The following XKR9 variants were observed in gnomAD, a reference collection of about 807,000 sequenced individuals.
The protein encoded by XKR9 is XK-related protein 9.
In XKR9, 32 loss-of-function variants were observed where a neutral mutation model predicts 32.0. That is an observed-to-expected ratio of 1.00 (90% CI 0.76 to 1.34). XKR9 has a LOEUF of 1.34. XKR9 is among the 40% of genes most tolerant of loss of function. The pLI is 0.00. For missense variants in XKR9, 546 were observed against 429.7 expected, an observed-to-expected ratio of 1.27 and a Z score of -2.39; for synonymous variants, 168 against 143.4, an observed-to-expected ratio of 1.17 and a Z score of -1.22.
chr8:70,817,300 T>C, the XKR9 span, among the ~76,000 whole-genome samples: 1 of 152,074 alleles, frequency 6.6e-6, no homozygotes, highest in Admixed American at 6.6e-5. Context: ...AATCAGTGCA[T>C]AAAAATTAGT....
intron 3 of XKR9, among the ~76,000 whole-genome samples, chr8:70,703,142 GT>G (rs1340459004): frequency 6.8e-6 from 1 of 147,070 alleles, no homozygotes; most frequent in South Asian, 2.1e-4. Flanking sequence ...TGTAACAAAT[GT>G]TTTGGGTTAA....
the XKR9 span, among the ~76,000 whole-genome samples, chr8:70,911,296 A>G: frequency 1.3e-5 from 2 of 152,212 alleles, no homozygotes; most frequent in Non-Finnish European, 2.9e-5. Flanking sequence ...CTTTCTTGAT[A>G]TTCAATCATT....
the XKR9 span, among the ~76,000 whole-genome samples, chr8:70,877,040 A>T: frequency 3.9e-5 from 6 of 152,174 alleles, no homozygotes; most frequent in Admixed American, 6.5e-5. Flanking sequence ...TAAAGGAAAG[A>T]GGTTTAATTG....
intron 4 of XKR9, among the ~76,000 whole-genome samples, chr8:70,707,355 A>G (rs1035845193): frequency 2.0e-5 from 3 of 152,030 alleles, no homozygotes; most frequent in African/African-American, 7.2e-5. Flanking sequence ...GAAAACTGCT[A>G]TTGTTAGTTA....
the XKR9 span, among the ~76,000 whole-genome samples, chr8:70,840,352 G>A: frequency 2.0e-5 from 3 of 152,060 alleles, no homozygotes; most frequent in Admixed American, 1.3e-4. Flanking sequence ...TATTCTCTCT[G>A]TAGGACAACT....
At chr8:70,815,778 G>A in the XKR9 span, among the ~76,000 whole-genome samples, 1 of 152,036 alleles carries the variant, frequency 6.6e-6, no homozygotes, top group Non-Finnish European at 1.5e-5. Flanking sequence ...ACCCACCTCA[G>A]CCTCCCACAG....
chr8:70,854,234 T>C, the XKR9 span, among the ~76,000 whole-genome samples: 2 of 152,242 alleles, frequency 1.3e-5, no homozygotes, highest in African/African-American at 2.4e-5. Context: ...TGGTGTGAGA[T>C]GTTATCTCAT....
At chr8:71,038,769 A>T in the XKR9 span, among the ~76,000 whole-genome samples, 2 of 141,140 alleles carry the variant, frequency 1.4e-5, no homozygotes, top group African/African-American at 5.3e-5. Context: ...AAAAAAAAAA[A>T]GTGAATGAAC....
intron 2 of XKR9, among the ~76,000 whole-genome samples, chr8:70,771,957 T>C (rs1382127608): frequency 1.3e-5 from 2 of 152,334 alleles, no homozygotes; most frequent in Non-Finnish European, 2.9e-5. Flanking sequence ...GAAAATTTTC[T>C]ACATGAGATT....
intron 4 of XKR9, among the ~76,000 whole-genome samples, chr8:70,731,419 A>G (rs1045362102): frequency 6.6e-6 from 1 of 152,036 alleles, no homozygotes; most frequent in Non-Finnish European, 1.5e-5. Context: ...TTGATGTGCC[A>G]TAGCTGTGGG....
At chr8:70,675,097 C>T (rs966821071) in intron 2 of XKR9, among the ~76,000 whole-genome samples, 198 bp downstream of exon 2, 25 of 152,136 alleles carry the variant, frequency 1.6e-4, no homozygotes, top group Admixed American at 1.3e-4. Context: ...GCCATTCTTG[C>T]ATTGCTGTAA....
the XKR9 span, among the ~76,000 whole-genome samples, chr8:70,840,343 A>T: frequency 6.6e-6 from 1 of 152,054 alleles, no homozygotes; most frequent in Non-Finnish European, 1.5e-5. Flanking sequence ...TTTAAGATTT[A>T]TTCTCTCTGT....
rs369388439 is a variant in XKR9 at position 70,776,923 on chromosome 8, T to TTCTCTCTCTCTC, written n.353-12402_353-12391dup. Among the ~76,000 whole-genome samples the TTCTCTCTCTCTC allele has an allele frequency of 7.0e-3, 419 of 59,602 alleles. 16 individuals are homozygous for TTCTCTCTCTCTC. Among genetic ancestry groups the TTCTCTCTCTCTC allele is most frequent in the African/African-American group, 0.024 (328 of 13,734 alleles). The allele number at this position is 59,602 out of a possible 152,430, so 39.1% of individuals were successfully genotyped here. ...TGCATTTAGCAGGTTTTCTCTTTCT[T>TTCTCTCTCTCTC]TCTCTCTCTCTCTCTCTCTCTCTCT... On this transcript the variant is annotated intron_variant and non_coding_transcript_variant, in intron 2 of 3. Transcript: ENST00000520273.
intron 2 of XKR9, among the ~76,000 whole-genome samples, chr8:70,756,093 C>G (rs1241397655): frequency 6.6e-6 from 1 of 152,042 alleles, no homozygotes; most frequent in Non-Finnish European, 1.5e-5. Context: ...CTATGGCTAT[C>G]CAGTTACCCC....
chr8:70,722,016 T>A (rs183357427), intron 4 of XKR9, among the ~76,000 whole-genome samples: 1 of 152,280 alleles, frequency 6.6e-6, no homozygotes, highest in African/African-American at 2.4e-5. Context: ...GATAGTTAGG[T>A]CTTCTTGTTG....
chr8:71,036,647 G>A, the XKR9 span, among the ~76,000 whole-genome samples: 1 of 152,028 alleles, frequency 6.6e-6, no homozygotes, highest in Non-Finnish European at 1.5e-5. Context: ...ATGAGTTAGT[G>A]CATAAAATAA....
At chr8:71,056,984 C>A in the XKR9 span, among the ~76,000 whole-genome samples, 2 of 152,100 alleles carry the variant, frequency 1.3e-5, no homozygotes, top group East Asian at 3.9e-4. Context: ...TTTTATGCCA[C>A]TTCCTGAGTA....
At chr8:70,686,889 A>G (rs539827703) in intron 3 of XKR9, among the ~76,000 whole-genome samples, 1 of 152,298 alleles carries the variant, frequency 6.6e-6, no homozygotes, top group Non-Finnish European at 1.5e-5. Flanking sequence ...AGACATATAT[A>G]ATGTATGATA....
At chr8:70,905,213 G>A in the XKR9 span, among the ~76,000 whole-genome samples, 1 of 152,176 alleles carries the variant, frequency 6.6e-6, no homozygotes, top group Non-Finnish European at 1.5e-5. Context: ...CCTGAAGAGT[G>A]TTATCCAACT....
Sources: allele counts gnomAD v4.1 joint callset (sites outside exome capture counted in the v4.1 genomes callset), GRCh38; gene constraint gnomAD v4.1.1; transcripts MANE v1.5; gene names NCBI Gene and HGNC (gene_info 2026-07-23, HGNC 2026-07-21).